Variants in BCAR3 observed in about 807,000 individuals in gnomAD.
BCAR3 encodes breast cancer anti-estrogen resistance protein 3.
BCAR3 carries 37 observed loss-of-function variants against 80.1 expected under a neutral mutation model. The observed-to-expected ratio is 0.46, with a 90% CI of 0.36 to 0.61. BCAR3 has a LOEUF of 0.61. Ranked by LOEUF, BCAR3 falls within the 20% of genes least tolerant of loss-of-function variation. The pLI is 0.00. For synonymous variants in BCAR3, 389 were observed against 418.9 expected (o/e 0.93, Z 0.87); for missense variants, 978 against 1,068.2 (o/e 0.92, Z 1.18).
intron 2 of BCAR3, among the ~76,000 whole-genome samples, chr1:93,725,386 C>A (rs748205804): frequency 3.9e-5 from 6 of 152,202 alleles, no homozygotes; most frequent in African/African-American, 1.4e-4. Flanking sequence ...ACTTCCTTTG[C>A]TAATGAGGCC....
chr1:93,811,213 C>G (rs527866165), intron 2 of BCAR3, among the ~76,000 whole-genome samples: 1 of 152,292 alleles, frequency 6.6e-6, no homozygotes, highest in South Asian at 2.1e-4. Flanking sequence ...GCTTCCAGAT[C>G]TACCCTGAAG....
chr1:93,688,942 ATAT>A, intron 3 of BCAR3, among the ~76,000 whole-genome samples: 1 of 152,126 alleles, frequency 6.6e-6, no homozygotes, highest in Non-Finnish European at 1.5e-5. Context: ...TGGCCAGCAT[ATAT>A]TATTTTTATC....
intron 2 of BCAR3, among the ~76,000 whole-genome samples, chr1:93,751,981 A>G (rs565733741): frequency 6.6e-6 from 1 of 152,334 alleles, no homozygotes; most frequent in East Asian, 1.9e-4. Flanking sequence ...CACAGCTGAG[A>G]ATGCATCTCT....
At chr1:93,835,157 T>C (rs915278081) in intron 2 of BCAR3, among the ~76,000 whole-genome samples, 3 of 152,298 alleles carry the variant, frequency 2.0e-5, no homozygotes, top group African/African-American at 7.2e-5. Context: ...TGATTCTAAA[T>C]GTGCCTTCCA....
At chr1:93,710,290 G>C (rs976991683) in intron 2 of BCAR3, among the ~76,000 whole-genome samples, 34 of 152,308 alleles carry the variant, frequency 2.2e-4, no homozygotes, top group African/African-American at 8.2e-4. Context: ...CTCTCTGCTG[G>C]GCCTGGCTGC....
intron 3 of BCAR3, among the ~76,000 whole-genome samples, chr1:93,625,079 C>T (rs1035335141): frequency 3.9e-5 from 6 of 152,262 alleles, no homozygotes; most frequent in Middle Eastern, 3.4e-3. Flanking sequence ...GGCATGGTGG[C>T]GGGGGCCTGT....
intron 3 of BCAR3, among the ~76,000 whole-genome samples, chr1:93,609,001 G>A (rs1674865014): frequency 6.6e-6 from 1 of 152,140 alleles, no homozygotes; most frequent in South Asian, 2.1e-4. Flanking sequence ...AGCTGTCACC[G>A]TAACAGACAG....
intron 2 of BCAR3, among the ~76,000 whole-genome samples, chr1:93,708,269 G>T (rs977442589): frequency 6.6e-5 from 10 of 152,156 alleles, no homozygotes; most frequent in African/African-American, 2.4e-4. Context: ...CCTGCTTCAG[G>T]GTCTCACAGA....
chr1:93,812,293 A>T (rs1300706497), intron 2 of BCAR3, among the ~76,000 whole-genome samples: 1 of 151,962 alleles, frequency 6.6e-6, no homozygotes, highest in Non-Finnish European at 1.5e-5. Context: ...CGTCCCAGGA[A>T]GCCCACCGCT....
intron 3 of BCAR3, among the ~76,000 whole-genome samples, chr1:93,603,335 T>C (rs1165406950): frequency 2.6e-5 from 4 of 152,222 alleles, no homozygotes; most frequent in African/African-American, 9.6e-5. Context: ...ACAGCTGTCA[T>C]GGATCTATAT....
intron 2 of BCAR3, among the ~76,000 whole-genome samples, chr1:93,743,438 T>C (rs1651248340): frequency 6.6e-6 from 1 of 152,178 alleles, no homozygotes; most frequent in Admixed American, 6.5e-5. Context: ...AATTGCTCCA[T>C]AAATCTCACA....
At chr1:93,843,727 C>A (rs1655045240) in intron 2 of BCAR3, among the ~76,000 whole-genome samples, 1 of 152,160 alleles carries the variant, frequency 6.6e-6, no homozygotes, top group African/African-American at 2.4e-5. Flanking sequence ...TCACATTATG[C>A]CACTTTTTCA....
At chr1:93,825,730 A>G (rs1557700839) in intron 2 of BCAR3, among the ~76,000 whole-genome samples, 3 of 152,018 alleles carry the variant, frequency 2.0e-5, no homozygotes, top group African/African-American at 7.2e-5. Context: ...AGCAGAGGAG[A>G]GGGTATCATT....
chr1:93,790,000 G>C (rs1318069417), intron 2 of BCAR3, among the ~76,000 whole-genome samples: 2 of 152,088 alleles, frequency 1.3e-5, no homozygotes, highest in East Asian at 1.9e-4. Context: ...TTCCCCATTT[G>C]GTCAGAAGTA....
intron 3 of BCAR3, among the ~76,000 whole-genome samples, chr1:93,695,882 C>A (rs1432767917): frequency 6.6e-6 from 1 of 152,190 alleles, no homozygotes; most frequent in East Asian, 1.9e-4. Flanking sequence ...TTTCTCCTGA[C>A]TCTTTTGCTA....
intron 2 of BCAR3, among the ~76,000 whole-genome samples, chr1:93,760,761 GTGA>G (rs1452933984): frequency 6.6e-6 from 1 of 152,160 alleles, no homozygotes; most frequent in African/African-American, 2.4e-5. Flanking sequence ...GCAAACATAG[GTGA>G]GCTTTCCCAT....
At chr1:93,590,880 T>C (rs1375057090) in intron 4 of BCAR3, among the ~76,000 whole-genome samples, 1 of 152,100 alleles carries the variant, frequency 6.6e-6, no homozygotes, top group East Asian at 1.9e-4. Context: ...TGCAGAAGAA[T>C]ATTCTACAGT....
intron 2 of BCAR3, among the ~76,000 whole-genome samples, chr1:93,665,588 G>A (rs896055677): frequency 1.3e-5 from 2 of 152,030 alleles, no homozygotes; most frequent in African/African-American, 2.4e-5. Context: ...CTCCTTTGAC[G>A]ATGGCATCCA....
chr1:93,766,859 G>A (rs1010300870), intron 2 of BCAR3, among the ~76,000 whole-genome samples: 3 of 152,086 alleles, frequency 2.0e-5, no homozygotes, highest in Middle Eastern at 3.2e-3. Context: ...TCAAGACATC[G>A]AAACAAAGAA....
Sources: gnomAD v4.1 joint callset for allele counts (sites outside exome capture counted in the v4.1 genomes callset) on GRCh38, gnomAD v4.1.1 for gene constraint, MANE v1.5 for transcripts, NCBI Gene and HGNC (gene_info 2026-07-23, HGNC 2026-07-21) for gene names.